Variants in TCP11L1 observed in about 807,000 individuals in gnomAD.
TCP11L1 encodes the protein t-complex 11 like 1, also known as T-complex protein 11-like protein 1.
In TCP11L1, 28 loss-of-function variants were observed where a neutral mutation model predicts 48.9. The observed-to-expected ratio is 0.57, with a 90% CI of 0.42 to 0.78. The LOEUF is 0.78. Ranked by LOEUF, TCP11L1 falls within the 30% of genes least tolerant of loss-of-function variation. The pLI, the probability that TCP11L1 is intolerant of heterozygous loss-of-function variation, is 0.00. For synonymous variants in TCP11L1, 204 were observed against 231.9 expected, an observed-to-expected ratio of 0.88 and a Z score of 1.09; for missense variants, 505 against 613.4, an observed-to-expected ratio of 0.82 and a Z score of 1.87.
intron 9 of TCP11L1, among the ~76,000 whole-genome samples, chr11:33,069,286 A>G (rs533679322): frequency 2.6e-5 from 4 of 152,192 alleles, no homozygotes; most frequent in Non-Finnish European, 5.9e-5. Context: ...GCTGAATAGT[A>G]AAATGAAGAT....
intron 9 of TCP11L1, among the ~76,000 whole-genome samples, chr11:33,069,636 C>G (rs1244519897): frequency 6.6e-6 from 1 of 151,572 alleles, no homozygotes; most frequent in African/African-American, 2.4e-5. Context: ...ACTCTGTCTT[C>G]CAGACTGGAG....
intron 2 of TCP11L1, among the ~76,000 whole-genome samples, chr11:33,050,143 G>C (rs1854116096): frequency 6.6e-6 from 1 of 152,206 alleles, no homozygotes; most frequent in Non-Finnish European, 1.5e-5. Flanking sequence ...TCTCTGCTGT[G>C]AGCACAGGGT....
intron 8 of TCP11L1, among the ~76,000 whole-genome samples, chr11:33,066,857 A>G (rs1198358764): frequency 6.6e-6 from 1 of 152,208 alleles, no homozygotes; most frequent in African/African-American, 2.4e-5. Context: ...TTCATTTTCC[A>G]TTGTGACCTA....
intron 8 of TCP11L1, 61 bp from the exon 9 acceptor site, chr11:33,068,626 G>A (rs1427141850): frequency 5.1e-6 from 8 of 1,559,742 alleles, no homozygotes; most frequent in East Asian, 2.3e-5. Flanking sequence ...GGGTGTGGGC[G>A]GTTGGAGCTG....
In TCP11L1 at chr11:33,072,789, G is replaced by A. The variant is rs895540283; in HGVS notation, c.*113G>A. 52 of 1,112,764 alleles carry A rather than the reference G, an allele frequency of 4.7e-5. No homozygotes were observed. The highest frequency in any genetic ancestry group is 6.2e-5 in the Non-Finnish European group (47 of 758,610). The allele number at this position is 1,112,764 out of a possible 1,614,324, so 68.9% of individuals were successfully genotyped here. Reference sequence around the variant, plus strand: ...TAGTACATGTCTATTTAACAGCACCGATTCCAAAGGGAAGAATATTGTGTA... The same window carrying A: ...TAGTACATGTCTATTTAACAGCACCAATTCCAAAGGGAAGAATATTGTGTA... On this transcript the variant is annotated 3_prime_UTR_variant, in exon 10 of 10. Coordinates refer to ENST00000334274, the MANE Select transcript of TCP11L1 (RefSeq NM_018393.4).
intron 7 of TCP11L1, among the ~76,000 whole-genome samples, chr11:33,063,642 A>G (rs188028447): frequency 6.6e-5 from 10 of 152,358 alleles, no homozygotes; most frequent in Non-Finnish European, 4.4e-5. Context: ...AAGATGACTA[A>G]GAAGGGATTC....
chr11:33,058,235 G>A (rs558389459), intron 5 of TCP11L1, 96 bp downstream of exon 5: 1 of 1,190,220 alleles, frequency 8.4e-7, no homozygotes, highest in African/African-American at 1.6e-5. Context: ...GTCTCACTCT[G>A]TTGCAAAGGC....
At position 33,072,957 on chromosome 11, in the gene TCP11L1, C is replaced by T; in HGVS notation, c.*281C>T. The T allele has an allele frequency of 2.4e-6, 1 of 410,828 alleles. No individual in the cohort carries two copies. The highest frequency in any genetic ancestry group is 4.5e-6 in the Non-Finnish European group (1 of 221,342). 25.4% of individuals were successfully genotyped at this position (410,828 alleles called of 1,614,324 possible). A position where few individuals can be genotyped will look rare whatever the true frequency, so the allele number is the denominator to read the frequency against. The stretch of plus-strand genomic sequence containing the variant: ...TCAGCTGTTGTCTCCACTCCTCCCC[C>T]ATCATGTCCTTCCAAGGAGGCTGGG... On this transcript the variant is annotated 3_prime_UTR_variant, in exon 10 of 10. Coordinates refer to ENST00000334274, the MANE Select transcript of TCP11L1 (RefSeq NM_018393.4).
intron 9 of TCP11L1, among the ~76,000 whole-genome samples, chr11:33,070,691 A>C (rs1305227121): frequency 6.6e-6 from 1 of 150,422 alleles, no homozygotes. Context: ...GTCTCAAAAA[A>C]AAAAAAAAAA....
At chr11:33,044,000 G>T in intron 2 of TCP11L1, 64 bp downstream of exon 2, 1 of 1,488,308 alleles carries the variant, frequency 6.7e-7, no homozygotes, top group Admixed American at 2.3e-5. Context: ...GGTTTTATGA[G>T]GCCTCCTTGT....
intron 2 of TCP11L1, among the ~76,000 whole-genome samples, chr11:33,052,185 G>A (rs913016189): frequency 2.0e-4 from 31 of 152,142 alleles, no homozygotes; most frequent in Admixed American, 8.5e-4. Context: ...ACAAGCCCCC[G>A]TGACACGAGA....
intron 2 of TCP11L1, 152 bp from the exon 3 acceptor site, chr11:33,054,441 A>T: frequency 1.2e-6 from 1 of 825,304 alleles, no homozygotes. Flanking sequence ...AATATGAAGT[A>T]ACATTCTGTT....
intron 4 of TCP11L1, among the ~76,000 whole-genome samples, chr11:33,057,627 T>C (rs1328221862): frequency 6.6e-6 from 1 of 152,230 alleles, no homozygotes; most frequent in Non-Finnish European, 1.5e-5. Context: ...GAAATTGTCA[T>C]CAGCTATGGT....
At chr11:33,072,063 C>T (rs193168393) in intron 9 of TCP11L1, among the ~76,000 whole-genome samples, 23 of 152,140 alleles carry the variant, frequency 1.5e-4, no homozygotes, top group East Asian at 1.2e-3. Flanking sequence ...CCAGGCTGGT[C>T]GAACTCTTGA....
At chr11:33,045,907 AC>A (rs1200580815) in intron 2 of TCP11L1, among the ~76,000 whole-genome samples, 1 of 152,224 alleles carries the variant, frequency 6.6e-6, no homozygotes, top group Non-Finnish European at 1.5e-5. Flanking sequence ...TACAGCTGTG[AC>A]GGTTTAGCAT....
In TCP11L1 at chr11:33,039,592, T is replaced by A. The variant is rs934370704; in HGVS notation, c.-225T>A. On this transcript the variant is annotated 5_prime_UTR_variant, in exon 1 of 10. Coordinates refer to ENST00000334274, the MANE Select transcript of TCP11L1 (RefSeq NM_018393.4). ...AGAGCAGTCTCCTCCTTCCTGATGC[T>A]GAGAAGCGGCCGCTCTGACCGCTGC... 5.9e-5 allele frequency: 9 copies of A among 152,322 alleles called. No individual in the cohort carries two copies. The highest frequency in any genetic ancestry group is 2.2e-4 in the African/African-American group (9 of 41,466). The allele number at this position is 152,322 out of a possible 1,614,324, so 9.4% of individuals were successfully genotyped here.
At chr11:33,065,173 A>G (rs1378783934) in intron 7 of TCP11L1, among the ~76,000 whole-genome samples, 1 of 152,216 alleles carries the variant, frequency 6.6e-6, no homozygotes, top group Non-Finnish European at 1.5e-5. Context: ...CTTTATATGT[A>G]GCATCTTTCT....
intron 6 of TCP11L1, among the ~76,000 whole-genome samples, chr11:33,059,764 C>G (rs1854417818): frequency 6.6e-6 from 1 of 152,100 alleles, no homozygotes; most frequent in South Asian, 2.1e-4. Flanking sequence ...GTTGCCTGAC[C>G]AGATTAGTTA....
rs538410360 is a variant in TCP11L1, at chr11:33,071,143, C to T, written c.1328-1331C>T. On this transcript the variant is annotated intron_variant, in intron 9 of 9. Transcript: ENST00000334274. Reference sequence around the variant, plus strand: ...CAGCCCGGGCAACATGGTGAAACCCCGCCTCTACTAATAATACAAAAATTA... The same window carrying T: ...CAGCCCGGGCAACATGGTGAAACCCTGCCTCTACTAATAATACAAAAATTA... 1.4e-4 allele frequency among the ~76,000 whole-genome samples: 22 copies of T among 151,834 alleles called. 1 individual carries two copies. Among genetic ancestry groups the T allele is most frequent in the Non-Finnish European group, 1.8e-4 (12 of 67,930 alleles).
Sources: gnomAD v4.1 joint callset for allele counts (sites outside exome capture counted in the v4.1 genomes callset) on GRCh38, gnomAD v4.1.1 for gene constraint, MANE v1.5 for transcripts, NCBI Gene and HGNC (gene_info 2026-07-23, HGNC 2026-07-21) for gene names.